Variants in TMEM9 observed in about 807,000 individuals in gnomAD.
TMEM9 encodes proton-transporting V-type ATPase complex assembly regulator TMEM9.
TMEM9 carries 13 observed loss-of-function variants against 22.8 expected under a neutral mutation model. The ratio of observed to expected loss-of-function variants is 0.57; its 90% CI spans 0.37 to 0.91. The LOEUF (loss-of-function observed/expected upper bound fraction) is 0.91, where lower values mean the gene tolerates loss of function less well. TMEM9 is among the 40% of genes least tolerant of loss of function. The probability of loss-of-function intolerance (pLI) is 0.01; values close to 1 mark genes in which losing one functional copy is unlikely to be tolerated. For missense variants in TMEM9, 182 were observed against 238.1 expected, an observed-to-expected ratio of 0.76 and a Z score of 1.55; for synonymous variants, 88 against 93.0, an observed-to-expected ratio of 0.95 and a Z score of 0.31.
intron 4 of TMEM9, among the ~76,000 whole-genome samples, chr1:201,140,508 C>G (rs1477623306): frequency 6.6e-6 from 1 of 152,216 alleles, no homozygotes; most frequent in Non-Finnish European, 1.5e-5. Context: ...GGGAACATGA[C>G]AAGCTTTCAT....
Position 201,135,735 on chromosome 1 carries a change from G to A in TMEM9, c.480C>T (p.Ala160=), listed in dbSNP as rs373190850. The A allele has an allele frequency of 1.2e-6, 2 of 1,613,932 alleles. No homozygotes were observed. The highest frequency in any genetic ancestry group is 1.7e-6 in the Non-Finnish European group (2 of 1,179,924). ...GCACCTGCAGCTTCCACCGCTGCTG[G>A]GCACCTTCCACACGCTCCAGGACTG... ...ANTVLERVEG[A]QQRWKLQVQE... Residue 160 remains alanine, a synonymous_variant, in exon 5 of 5, where the codon GCC becomes GCT. Coordinates refer to ENST00000367330, the MANE Select transcript of TMEM9 (RefSeq NM_001288565.2).
intron 1 of TMEM9, among the ~76,000 whole-genome samples, chr1:201,165,942 G>A (rs1454181572): frequency 6.6e-6 from 1 of 152,132 alleles, no homozygotes; most frequent in Non-Finnish European, 1.5e-5. Context: ...CTTTCTTCGT[G>A]GTCCAGGACA....
intron 1 of TMEM9, among the ~76,000 whole-genome samples, chr1:201,163,820 G>C (rs184437155): frequency 1.3e-5 from 2 of 152,076 alleles, no homozygotes; most frequent in Non-Finnish European, 2.9e-5. Flanking sequence ...CAGTTTGGCA[G>C]TTTCTTTAAA....
chr1:201,143,954 G>A lies in TMEM9; in HGVS notation c.268-3C>T, dbSNP rs759721500. The A allele has an allele frequency of 3.0e-5, 49 of 1,613,946 alleles. No homozygotes were observed. The highest frequency in any genetic ancestry group is 2.0e-4 in the East Asian group (9 of 44,890). ...GACAGGTAGATGACAATGATGACCTGAGGAAGAGACCGGCGTGCCTATGAA... is the reference window on the plus strand; with the variant it reads ...GACAGGTAGATGACAATGATGACCTAAGGAAGAGACCGGCGTGCCTATGAA... On this transcript the variant is annotated splice_region_variant and splice_polypyrimidine_tract_variant and intron_variant, in intron 3 of 4. Coordinates refer to ENST00000367330, the MANE Select transcript of TMEM9 (RefSeq NM_001288565.2).
rs533307330 is a variant in TMEM9 at position 201,147,981 on chromosome 1, C to G, written c.159-1133G>C. On this transcript the variant is annotated intron_variant, in intron 2 of 4. Transcript: ENST00000367330. ...ACTGCATTGTAATCCAATCTTTATT[C>G]GTGCTGTCTCCCCAGGAGATGTACG... Among the ~76,000 whole-genome samples the G allele has an allele frequency of 2.0e-5, 3 of 152,318 alleles. 1 individual carries two copies. In the South Asian group the frequency reaches 6.2e-4, roughly 32 times the overall value.
In TMEM9 at chr1:201,171,294, C is replaced by T. The variant is rs568799812; in HGVS notation, c.-37+196G>A. Among the ~76,000 whole-genome samples, 24 of 152,288 alleles carry T rather than the reference C, an allele frequency of 1.6e-4. No homozygotes were observed. The East Asian group carries it at 4.3e-3, about 27-fold the overall frequency. On this transcript the variant is annotated intron_variant, in intron 1 of 5. Coordinates refer to the TMEM9 transcript ENST00000367333. The stretch of plus-strand genomic sequence containing the variant: ...TGAGGCGAAGGTCGTGGAAAGCCCG[C>T]TGGGACCCACCGCGGGGGTGCACTG...
Position 201,146,808 on chromosome 1 carries a change from G to A in TMEM9, c.199C>T (p.His67Tyr). Reference sequence around the variant, plus strand: ...AGCAGGCAGTAGGCCTCCACGTCATGGCCAGGCACTGGCATGGGCTCCACC... The same window carrying A: ...AGCAGGCAGTAGGCCTCCACGTCATAGCCAGGCACTGGCATGGGCTCCACC... ...HVVEPMPVPG[H>Y]DVEAYCLLCE... Residue 67 changes from histidine to tyrosine, a missense_variant, in exon 3 of 5, where the codon CAT becomes TAT. His to Tyr is a moderately conservative substitution (Grantham distance 83, BLOSUM62 2). Coordinates refer to ENST00000367330, the MANE Select transcript of TMEM9 (RefSeq NM_001288565.2). 2 of 1,614,238 alleles carry A rather than the reference G, an allele frequency of 1.2e-6. No individual in the cohort carries two copies. The highest frequency in any genetic ancestry group is 1.7e-6 in the Non-Finnish European group (2 of 1,180,046).
intron 1 of TMEM9, among the ~76,000 whole-genome samples, chr1:201,164,251 A>T (rs1035235348): frequency 6.6e-6 from 1 of 152,228 alleles, no homozygotes; most frequent in Non-Finnish European, 1.5e-5. Context: ...ATATGACTAT[A>T]AAAGGCAAAG....
At chr1:201,168,967 CTT>C (rs5780055) in intron 1 of TMEM9, among the ~76,000 whole-genome samples, 3 of 128,568 alleles carry the variant, frequency 2.3e-5, no homozygotes, top group East Asian at 4.5e-4. Context: ...AATTATATTA[CTT>C]TTTTTTTTTT....
chr1:201,162,125 A>G (rs981268456), intron 1 of TMEM9, among the ~76,000 whole-genome samples: 7 of 152,080 alleles, frequency 4.6e-5, no homozygotes, highest in Admixed American at 1.3e-4. Flanking sequence ...GTATAGACAT[A>G]TAGAACAGAG....
At chr1:201,152,873 A>C (rs188911254) in intron 1 of TMEM9, among the ~76,000 whole-genome samples, 28 of 152,362 alleles carry the variant, frequency 1.8e-4, no homozygotes, top group Non-Finnish European at 2.4e-4. Context: ...AGAACAAGAA[A>C]TCGTGTCAGT....
At position 201,135,516 on chromosome 1, in the gene TMEM9, C is replaced by T. The variant is rs998180960; in HGVS notation, c.*147G>A. 2.1e-5 allele frequency: 17 copies of T among 798,968 alleles called. No individual in the cohort carries two copies. In the African/African-American group the frequency reaches 2.9e-4, roughly 14 times the overall value. 49.5% of individuals were successfully genotyped at this position (798,968 alleles called of 1,614,324 possible). A position where few individuals can be genotyped will look rare whatever the true frequency, so the allele number is the denominator to read the frequency against. On this transcript the variant is annotated 3_prime_UTR_variant, in exon 5 of 5. Coordinates refer to ENST00000367330, the MANE Select transcript of TMEM9 (RefSeq NM_001288565.2). ...ATCAAAATAGCCAAGTACAACATTTCTAAAGTTAGGGAGAAGGAGGAAAAA... is the reference window on the plus strand; with the variant it reads ...ATCAAAATAGCCAAGTACAACATTTTTAAAGTTAGGGAGAAGGAGGAAAAA...
chr1:201,159,951 CTG>C lies in TMEM9; in HGVS notation c.-36-5994_-36-5993del, dbSNP rs71719515. ...CTGGGTGCTACATGTTCTGCTCCCTCTGTTGTATTTTTCCTGGTTCAGCTCCC... is the reference window on the plus strand; with the variant it reads ...CTGGGTGCTACATGTTCTGCTCCCTCTTGTATTTTTCCTGGTTCAGCTCCC... On this transcript the variant is annotated intron_variant, in intron 1 of 5. Coordinates refer to the TMEM9 transcript ENST00000367333. Among the ~76,000 whole-genome samples, 1,294 of 152,338 alleles carry C rather than the reference CTG, an allele frequency of 8.5e-3. 23 individuals carry two copies. The highest frequency in any genetic ancestry group is 0.029 in the African/African-American group (1,226 of 41,562).
chr1:201,151,899 T>C, intron 1 of TMEM9, 47 bp from the exon 2 acceptor site: 3 of 1,423,508 alleles, frequency 2.1e-6, no homozygotes, highest in Non-Finnish European at 3.0e-6. Context: ...CTGCCTGGGG[T>C]TCAGGGGGTT....
At chr1:201,142,533 G>A (rs1206328059) in intron 4 of TMEM9, among the ~76,000 whole-genome samples, 7 of 152,214 alleles carry the variant, frequency 4.6e-5, no homozygotes, top group Non-Finnish European at 8.8e-5. Context: ...TCTGAAGGCA[G>A]CTATCATGCG....
upstream of TMEM9, among the ~76,000 whole-genome samples, chr1:201,157,306 T>C (rs1018170502): frequency 3.3e-5 from 5 of 152,204 alleles, no homozygotes; most frequent in South Asian, 6.2e-4. Flanking sequence ...AGCTTCTCCA[T>C]GTTGCCCAGT....
upstream of TMEM9, among the ~76,000 whole-genome samples, chr1:201,157,235 G>A (rs573449546): frequency 8.5e-5 from 13 of 152,300 alleles, no homozygotes; most frequent in African/African-American, 2.9e-4. Context: ...CATCTGCATA[G>A]GGCACAAATC....
upstream of TMEM9, among the ~76,000 whole-genome samples, chr1:201,157,348 G>A (rs964958033): frequency 6.6e-6 from 1 of 152,148 alleles, no homozygotes; most frequent in Non-Finnish European, 1.5e-5. Flanking sequence ...TAACAAAAAA[G>A]GGAAGGTGGA....
intron 4 of TMEM9, among the ~76,000 whole-genome samples, chr1:201,136,145 T>C (rs901468657): frequency 6.6e-6 from 1 of 151,642 alleles, no homozygotes; most frequent in Admixed American, 6.6e-5. Flanking sequence ...TCAAGGGAGG[T>C]TCCCAGCCTG....
Sources: allele counts gnomAD v4.1 joint callset (sites outside exome capture counted in the v4.1 genomes callset), GRCh38; gene constraint gnomAD v4.1.1; transcripts MANE v1.5; gene names NCBI Gene and HGNC (gene_info 2026-07-23, HGNC 2026-07-21).